Variants in ANK3 observed in about 807,000 individuals in gnomAD.
ANK3 encodes the protein ankyrin-3.
Under a neutral mutation model 370.9 loss-of-function variants are expected in ANK3, and 57 were observed. That is an observed-to-expected ratio of 0.15 (90% CI 0.12 to 0.19). The LOEUF (loss-of-function observed/expected upper bound fraction) is 0.19, where lower values mean the gene tolerates loss of function less well. ANK3 is among the 10% of genes least tolerant of loss of function. The pLI is 1.00. For synonymous variants in ANK3, 1,929 were observed against 1,946.3 expected, an observed-to-expected ratio of 0.99 and a Z score of 0.23; for missense variants, 4,439 against 5,302.1, an observed-to-expected ratio of 0.84 and a Z score of 5.06.
At chr10:60,723,053 G>A (rs1445055463) in intron 1 of ANK3, among the ~76,000 whole-genome samples, 1 of 152,126 alleles carries the variant, frequency 6.6e-6, no homozygotes, top group Admixed American at 6.5e-5. Flanking sequence ...ATTGAAAAGA[G>A]CAGCTCATTT....
intron 2 of ANK3, among the ~76,000 whole-genome samples, chr10:60,611,114 A>C (rs1467152896): frequency 6.6e-6 from 1 of 152,196 alleles, no homozygotes; most frequent in African/African-American, 2.4e-5. Context: ...AAATATTTGC[A>C]TTTCTAACAC....
chr10:60,049,838 GTT>G (rs2077595776), intron 42 of ANK3, among the ~76,000 whole-genome samples: 1 of 152,076 alleles, frequency 6.6e-6, no homozygotes, highest in Non-Finnish European at 1.5e-5. Context: ...TGAAGTTATT[GTT>G]TTTGTTTTCT....
At chr10:60,710,427 A>G (rs111401997) in intron 1 of ANK3, among the ~76,000 whole-genome samples, 2 of 148,924 alleles carry the variant, frequency 1.3e-5, no homozygotes, top group East Asian at 4.0e-4. Context: ...GTTTTGATAA[A>G]TTTTAACTTT....
At chr10:60,553,997 A>G (rs952779430) in intron 2 of ANK3, among the ~76,000 whole-genome samples, 2 of 152,210 alleles carry the variant, frequency 1.3e-5, no homozygotes, top group Non-Finnish European at 2.9e-5. Flanking sequence ...GAGCTTTCAC[A>G]TAGAAATTAG....
chr10:60,442,422 C>G (rs1221257176), intron 2 of ANK3, among the ~76,000 whole-genome samples: 1 of 152,078 alleles, frequency 6.6e-6, no homozygotes, highest in Non-Finnish European at 1.5e-5. Flanking sequence ...TAAATCATCT[C>G]AAGATTATTT....
At chr10:60,108,729 C>A in intron 27 of ANK3, 101 bp downstream of exon 27, 1 of 964,752 alleles carries the variant, frequency 1.0e-6, no homozygotes, top group South Asian at 1.6e-5. Flanking sequence ...CAATCAGGTA[C>A]AACTAAGCAG....
chr10:60,246,270 A>AAGAAAG (rs1555193743), intron 7 of ANK3, among the ~76,000 whole-genome samples: 5 of 149,038 alleles, frequency 3.4e-5, no homozygotes, highest in African/African-American at 1.2e-4. Context: ...AAAAAAAAAA[A>AAGAAAG]AAAAAAAAAA....
At chr10:60,467,399 C>T (rs372193096) in intron 2 of ANK3, among the ~76,000 whole-genome samples, 73 of 152,278 alleles carry the variant, frequency 4.8e-4, no homozygotes, top group African/African-American at 1.6e-3. Flanking sequence ...ATTCCACCAA[C>T]GCTTATATCC....
intron 8 of ANK3, among the ~76,000 whole-genome samples, chr10:60,218,004 G>A (rs192646469): frequency 2.0e-5 from 3 of 151,520 alleles, no homozygotes; most frequent in Non-Finnish European, 4.4e-5. Flanking sequence ...TTACCATTAT[G>A]TAATACCCTT....
At chr10:60,615,084 T>C in intron 2 of ANK3, 2 of 706,764 alleles carry the variant, frequency 2.8e-6, no homozygotes, top group African/African-American at 1.9e-5. Flanking sequence ...AAAAGGACCA[T>C]CTCCTGTAAA....
chr10:60,527,776 C>T (rs1452053497), intron 2 of ANK3, among the ~76,000 whole-genome samples: 1 of 152,084 alleles, frequency 6.6e-6, no homozygotes, highest in Non-Finnish European at 1.5e-5. Flanking sequence ...TCTTGCAATG[C>T]AATCTAAATG....
At chr10:60,650,183 A>G (rs899244506) in intron 1 of ANK3, among the ~76,000 whole-genome samples, 8 of 152,182 alleles carry the variant, frequency 5.3e-5, no homozygotes, top group African/African-American at 1.9e-4. Context: ...TAAGGAAGGG[A>G]TCAACAAACA....
chr10:60,270,177 A>G lies in ANK3; in HGVS notation c.467T>C (p.Val156Ala). ...TGCACCATTGTCAAGAAGAAACTTGACAACTTCCAGGTGATTTTCCTGGGC... is the reference window on the plus strand; with the variant it reads ...TGCACCATTGTCAAGAAGAAACTTGGCAACTTCCAGGTGATTTTCCTGGGC... ...MAAQENHLEV[V>A]KFLLDNGASQ... is the part of the protein sequence containing the mutation. The change falls in exon 5 of 44, where the codon GTC (valine) becomes GCC (alanine). Residue 156 changes from valine to alanine, a missense_variant. Physicochemically the swap from Val to Ala is moderately conservative, Grantham distance 64 (BLOSUM62 0). Transcript: ENST00000280772. 6.2e-7 allele frequency: 1 copy of G among 1,602,356 alleles called. No individual in the cohort carries two copies.
At chr10:60,465,781 T>TTTC (rs2064997078) in intron 2 of ANK3, among the ~76,000 whole-genome samples, 1 of 148,560 alleles carries the variant, frequency 6.7e-6, no homozygotes, top group African/African-American at 2.5e-5. Flanking sequence ...TTTTTCTTTT[T>TTTC]TTTCTTTCTT....
At chr10:60,154,353 G>A (rs1308946956) in intron 23 of ANK3, among the ~76,000 whole-genome samples, 4 of 152,152 alleles carry the variant, frequency 2.6e-5, no homozygotes, top group Non-Finnish European at 5.9e-5. Context: ...AGAATGATTA[G>A]GAAATTAGGG....
At chr10:60,689,619 T>A (rs952554247) in intron 1 of ANK3, among the ~76,000 whole-genome samples, 1 of 151,386 alleles carries the variant, frequency 6.6e-6, no homozygotes, top group Non-Finnish European at 1.5e-5. Flanking sequence ...GGGCATGGTG[T>A]CGAGTGCCTG....
intron 2 of ANK3, among the ~76,000 whole-genome samples, chr10:60,565,797 C>T (rs1037783149): frequency 6.6e-6 from 1 of 152,194 alleles, no homozygotes; most frequent in Non-Finnish European, 1.5e-5. Flanking sequence ...TGACTTCATC[C>T]TCCAAATGGA....
chr10:60,655,549 G>T (rs1403341249), intron 1 of ANK3, among the ~76,000 whole-genome samples: 1 of 151,902 alleles, frequency 6.6e-6, no homozygotes, highest in African/African-American at 2.4e-5. Context: ...TGTGTTTTAA[G>T]CTAAGTGTTA....
In ANK3 at chr10:60,073,370, T is replaced by C; in HGVS notation, c.7511A>G (p.Glu2504Gly). Reference protein sequence around the residue: ...ELQGSDKRSREKIATAPKKEI... With the variant: ...ELQGSDKRSRGKIATAPKKEI... ...TTTTTTGGGGGCAGTGGCTATTTTT[T>C]CTCTGGACCGCTTATCAGACCCCTG... Residue 2504 changes from glutamate (E) to glycine (G), a missense_variant, in exon 37 of 44, where the codon GAA becomes GGA. Physicochemically the swap from Glu to Gly is moderately conservative, Grantham distance 98. Coordinates refer to ENST00000280772, the MANE Select transcript of ANK3 (RefSeq NM_020987.5). 6.2e-7 allele frequency: 1 copy of C among 1,613,838 alleles called. No individual in the cohort carries two copies. The highest frequency in any genetic ancestry group is 8.5e-7 in the Non-Finnish European group (1 of 1,180,008).
Sources: allele counts gnomAD v4.1 joint callset (sites outside exome capture counted in the v4.1 genomes callset), GRCh38; gene constraint gnomAD v4.1.1; transcripts MANE v1.5; gene names NCBI Gene and HGNC (gene_info 2026-07-23, HGNC 2026-07-21).